The following SHANK2 variants were observed in gnomAD, a reference collection of about 807,000 sequenced individuals.
SHANK2 encodes SH3 and multiple ankyrin repeat domains 2.
SHANK2 carries 43 observed loss-of-function variants against 133.7 expected under a neutral mutation model. That is an observed-to-expected ratio of 0.32 (90% CI 0.25 to 0.41). The LOEUF is 0.41. SHANK2 is among the 10% of genes least tolerant of loss of function. The pLI, the probability that SHANK2 is intolerant of heterozygous loss-of-function variation, is 1.00. For missense variants in SHANK2, 1,994 were observed against 2,235.8 expected (o/e 0.89, Z 2.18); for synonymous variants, 1,017 against 952.8 (o/e 1.07, Z -1.24).
At chr11:70,666,890 G>A (rs566920095) in intron 15 of SHANK2, among the ~76,000 whole-genome samples, 43 of 152,162 alleles carry the variant, frequency 2.8e-4, no homozygotes, top group African/African-American at 7.5e-4. Context: ...ATCCAGCGGC[G>A]CACTCCCCAA....
chr11:71,142,986 C>G (rs1952584734), intron 3 of SHANK2, among the ~76,000 whole-genome samples: 1 of 152,224 alleles, frequency 6.6e-6, no homozygotes, highest in Non-Finnish European at 1.5e-5. Context: ...GTAATCCCAG[C>G]ACTTTGGGAG....
chr11:71,125,873 T>C (rs1341351337), intron 3 of SHANK2, among the ~76,000 whole-genome samples: 3 of 152,160 alleles, frequency 2.0e-5, no homozygotes, highest in African/African-American at 7.2e-5. Context: ...GACTTTAAGT[T>C]GAAGCCTATG....
At chr11:71,150,443 A>C (rs1453713019) in intron 2 of SHANK2, among the ~76,000 whole-genome samples, 1 of 151,150 alleles carries the variant, frequency 6.6e-6, no homozygotes, top group African/African-American at 2.4e-5. Flanking sequence ...AGGAAATGAT[A>C]AGAAGGAAAG....
At chr11:70,806,945 T>C in intron 13 of SHANK2, 57 bp downstream of exon 13, 1 of 674,306 alleles carries the variant, frequency 1.5e-6, no homozygotes, top group Non-Finnish European at 2.7e-6. Flanking sequence ...GCAGGCCGGG[T>C]GAAGGGCCCC....
intron 17 of SHANK2, among the ~76,000 whole-genome samples, chr11:70,595,660 C>A (rs1451466118): frequency 1.3e-5 from 2 of 152,194 alleles, no homozygotes; most frequent in Admixed American, 1.3e-4. Context: ...GCCCAAAATT[C>A]GTGTCTACCC....
intron 10 of SHANK2, among the ~76,000 whole-genome samples, chr11:70,915,502 G>A (rs1043341076): frequency 3.3e-5 from 5 of 152,180 alleles, no homozygotes; most frequent in African/African-American, 1.2e-4. Context: ...CATCCCAGGA[G>A]TGCCTAACCA....
intron 3 of SHANK2, among the ~76,000 whole-genome samples, chr11:71,137,751 G>T (rs189651454): frequency 6.3e-4 from 96 of 152,272 alleles, no homozygotes; most frequent in African/African-American, 2.1e-3. Context: ...AAACCTTCTT[G>T]AAGTGGAATT....
At position 70,488,730 on chromosome 11, in the gene SHANK2, T is replaced by C. The variant is rs373877745; in HGVS notation, c.2572+598A>G. On this transcript the variant is annotated intron_variant, in intron 24 of 25. Coordinates refer to ENST00000601538, the MANE Select transcript of SHANK2 (RefSeq NM_012309.5). ...TTTGGAGCAGGGGCTGAGAGCCCAG[T>C]GGACCACCATAATCGCAACTAACCA... Among the ~76,000 whole-genome samples, 50 of 152,368 alleles carry C rather than the reference T, an allele frequency of 3.3e-4. No homozygotes were observed. The South Asian group carries it at 5.0e-3, about 15-fold the overall frequency.
chr11:70,735,958 C>T (rs1565279452), intron 14 of SHANK2, among the ~76,000 whole-genome samples: 1 of 151,976 alleles, frequency 6.6e-6, no homozygotes, highest in Non-Finnish European at 1.5e-5. Context: ...GCCTTGGGTA[C>T]ACACTCCTTA....
intron 13 of SHANK2, among the ~76,000 whole-genome samples, chr11:70,803,258 C>G (rs1224320966): frequency 6.6e-6 from 1 of 150,650 alleles, no homozygotes; most frequent in Non-Finnish European, 1.5e-5. Context: ...CCTATCCACT[C>G]ATTCACCCAC....
At chr11:71,129,832 T>C (rs1952264551) in intron 3 of SHANK2, among the ~76,000 whole-genome samples, 1 of 152,224 alleles carries the variant, frequency 6.6e-6, no homozygotes, top group Non-Finnish European at 1.5e-5. Flanking sequence ...CGCTGAGTTA[T>C]GAGTCACTCG....
chr11:71,124,408 AG>A (rs1555102296), intron 3 of SHANK2, among the ~76,000 whole-genome samples: 1 of 151,022 alleles, frequency 6.6e-6, no homozygotes, highest in African/African-American at 2.4e-5. Flanking sequence ...TGGTGATGAC[AG>A]TGATAATGAT....
chr11:70,569,836 G>T lies in SHANK2; in HGVS notation c.2062-66905C>A, dbSNP rs2060022806. On this transcript the variant is annotated intron_variant, in intron 17 of 25. Transcript: ENST00000601538. This position sits in a 1 kb window ranked among gnomAD's most constrained non-coding sequence, Gnocchi z 5.1. ...GGGTTCCTCAGCCCGGGAAAAGGCT[G>T]AGGCCGGCACAAAGAAGCAAGGGCA... is the stretch of plus-strand genomic sequence containing the variant. Among the ~76,000 whole-genome samples, 1 of 152,138 alleles carries T rather than the reference G, an allele frequency of 6.6e-6. No individual in the cohort carries two copies. Among genetic ancestry groups the T allele is most frequent in the Non-Finnish European group, 1.5e-5 (1 of 68,038 alleles).
chr11:70,587,184 G>A (rs568876670), intron 17 of SHANK2, among the ~76,000 whole-genome samples: 1 of 152,310 alleles, frequency 6.6e-6, no homozygotes, highest in Admixed American at 6.5e-5. Context: ...ACGGCGAGCT[G>A]GGCCGGGCTT....
At chr11:71,232,541 C>T (rs1954760571) in intron 1 of SHANK2, among the ~76,000 whole-genome samples, 1 of 151,644 alleles carries the variant, frequency 6.6e-6, no homozygotes, top group Admixed American at 6.6e-5. Flanking sequence ...CCTCCTCTTT[C>T]CCCCCTCCTC....
chr11:71,136,692 T>C (rs1287603081), intron 3 of SHANK2, among the ~76,000 whole-genome samples: 2 of 152,234 alleles, frequency 1.3e-5, no homozygotes, highest in East Asian at 3.8e-4. Context: ...TTTGACTCCA[T>C]GTCTGGAATA....
chr11:71,223,661 G>A (rs1264825636), intron 2 of SHANK2, among the ~76,000 whole-genome samples: 11 of 152,264 alleles, frequency 7.2e-5, no homozygotes, highest in East Asian at 3.9e-4. Context: ...TTTGGATGCC[G>A]AGGGATGACT....
chr11:70,601,715 T>C (rs190818358), intron 17 of SHANK2, among the ~76,000 whole-genome samples: 133 of 152,280 alleles, frequency 8.7e-4, no homozygotes, highest in African/African-American at 3.2e-3. Flanking sequence ...AGTAGAAAAC[T>C]GGCAGAAGAT....
chr11:70,542,355 G>A (rs2059633504), intron 17 of SHANK2, among the ~76,000 whole-genome samples: 1 of 152,172 alleles, frequency 6.6e-6, no homozygotes, highest in African/African-American at 2.4e-5. Flanking sequence ...GACACAGGTT[G>A]GCACCATGTG....
Sources: allele counts gnomAD v4.1 joint callset (sites outside exome capture counted in the v4.1 genomes callset), GRCh38; gene constraint gnomAD v4.1.1; non-coding constraint Gnocchi (gnomAD v3.1); transcripts MANE v1.5; gene names NCBI Gene and HGNC (gene_info 2026-07-23, HGNC 2026-07-21).